The following DHX36 variants were observed in gnomAD, a reference collection of about 807,000 sequenced individuals.
DHX36 encodes ATP-dependent DNA/RNA helicase DHX36.
DHX36 carries 50 observed loss-of-function variants against 139.0 expected under a neutral mutation model. The observed-to-expected ratio is 0.36, with a 90% CI of 0.29 to 0.46. The LOEUF (loss-of-function observed/expected upper bound fraction) is 0.46, where lower values mean the gene tolerates loss of function less well. DHX36 is among the 20% of genes least tolerant of loss of function. The pLI, the probability that DHX36 is intolerant of heterozygous loss-of-function variation, is 1.00. For missense variants in DHX36, 1,024 were observed against 1,211.3 expected (o/e 0.85, Z 2.29); for synonymous variants, 425 against 401.9 (o/e 1.06, Z -0.69).
At chr3:154,323,141 C>A (rs148748150) in intron 1 of DHX36, among the ~76,000 whole-genome samples, 1 of 152,102 alleles carries the variant, frequency 6.6e-6, no homozygotes, top group Admixed American at 6.5e-5. Context: ...TCGAGACCAA[C>A]CTGGCCAACA....
chr3:154,288,683 T>C (rs184150589), intron 17 of DHX36, among the ~76,000 whole-genome samples, 183 bp downstream of exon 17: 2 of 152,314 alleles, frequency 1.3e-5, no homozygotes, highest in African/African-American at 4.8e-5. Context: ...GATATCACTT[T>C]ATAACTTTCT....
intron 20 of DHX36, among the ~76,000 whole-genome samples, chr3:154,282,042 C>A (rs948846709): frequency 2.0e-5 from 3 of 152,124 alleles, no homozygotes; most frequent in Admixed American, 2.0e-4. Flanking sequence ...CACCTGAATT[C>A]ATATCCTGAC....
At chr3:154,287,620 G>A (rs891211610) in intron 17 of DHX36, among the ~76,000 whole-genome samples, 1 of 151,814 alleles carries the variant, frequency 6.6e-6, no homozygotes, top group African/African-American at 2.4e-5. Context: ...TCATGCCACT[G>A]CACTCCATCC....
In DHX36 at chr3:154,315,152, T is replaced by A. The variant is rs1482315163; in HGVS notation, c.497A>T (p.Asp166Val). 6.2e-7 allele frequency: 1 copy of A among 1,613,584 alleles called. No homozygotes were observed. Among genetic ancestry groups the A allele is most frequent in the Non-Finnish European group, 8.5e-7 (1 of 1,179,688 alleles). The change falls in exon 3 of 25, where the codon GAT becomes GTT. Residue 166 changes from aspartate to valine, a missense_variant. Physicochemically the swap from Asp to Val is radical, Grantham distance 152 (BLOSUM62 -3). Transcript: ENST00000496811. ...ATTTTCTTGCAAGAGATACTCAGAA[T>A]CTCGGTCAATATATGATCTGTTCCT... is the stretch of plus-strand genomic sequence containing the variant. ...RIRNRSYIDR[D>V]SEYLLQENEP... is the part of the protein sequence containing the mutation.
intron 5 of DHX36, among the ~76,000 whole-genome samples, chr3:154,309,073 AC>A (rs1712629355): frequency 6.6e-6 from 1 of 152,008 alleles, no homozygotes; most frequent in South Asian, 2.1e-4. Flanking sequence ...CTATAGTACC[AC>A]CTACTTGGGG....
At chr3:154,317,739 A>G (rs973938520) in intron 1 of DHX36, among the ~76,000 whole-genome samples, 7 of 152,086 alleles carry the variant, frequency 4.6e-5, no homozygotes, top group African/African-American at 1.7e-4. Flanking sequence ...TTTTTGGGGA[A>G]AAAAGAGGGA....
chr3:154,323,897 C>G (rs1185504225), intron 1 of DHX36, among the ~76,000 whole-genome samples: 3 of 152,144 alleles, frequency 2.0e-5, no homozygotes, highest in Non-Finnish European at 2.9e-5. Flanking sequence ...TCGGTTGGAA[C>G]GTGAACTTAA....
intron 6 of DHX36, among the ~76,000 whole-genome samples, chr3:154,305,701 C>T (rs535470629): frequency 9.9e-5 from 15 of 152,242 alleles, no homozygotes; most frequent in East Asian, 7.7e-4. Flanking sequence ...CAGGAGTCTT[C>T]GGCTGCAGTG....
chr3:154,312,876 T>C (rs562873591), intron 3 of DHX36, among the ~76,000 whole-genome samples: 2 of 110,208 alleles, frequency 1.8e-5, no homozygotes, highest in African/African-American at 7.3e-5. Context: ...TATATATATA[T>C]ATATATATAT....
intron 13 of DHX36, 80 bp from the exon 14 acceptor site, chr3:154,293,892 A>C: frequency 3.0e-6 from 3 of 993,868 alleles, no homozygotes; most frequent in Non-Finnish European, 4.7e-6. Flanking sequence ...GAATTACCTC[A>C]GATACTGTTC....
intron 12 of DHX36, among the ~76,000 whole-genome samples, chr3:154,299,325 A>C (rs1712167914): frequency 6.6e-6 from 1 of 152,220 alleles, no homozygotes; most frequent in Admixed American, 6.5e-5. Context: ...TTTTCTTTGT[A>C]GTTTTTATAT....
intron 15 of DHX36, among the ~76,000 whole-genome samples, chr3:154,290,916 C>G (rs1177655880): frequency 1.3e-5 from 2 of 151,210 alleles, no homozygotes; most frequent in African/African-American, 4.9e-5. Flanking sequence ...GGGCGGATCA[C>G]GAGGTCAGGA....
intron 3 of DHX36, among the ~76,000 whole-genome samples, chr3:154,312,872 TA>T (rs1712821159): frequency 9.6e-6 from 1 of 104,088 alleles, no homozygotes; most frequent in Non-Finnish European, 1.9e-5. Flanking sequence ...TATATATATA[TA>T]TATATATATA....
At chr3:154,311,881 C>A in intron 3 of DHX36, 2 of 432,250 alleles carry the variant, frequency 4.6e-6, no homozygotes, top group South Asian at 5.0e-5. Flanking sequence ...TTACATCCAG[C>A]AAAATAGAGA....
rs112560810 is a variant in DHX36 at position 154,276,033 on chromosome 3, A to T, written c.*138T>A. The T allele has an allele frequency of 5.0e-6, 3 of 601,374 alleles. No homozygotes were observed. The African/African-American group carries it at 5.6e-5, about 11-fold the overall frequency. The allele number at this position is 601,374 out of a possible 1,614,324, so 37.3% of individuals were successfully genotyped here. On this transcript the variant is annotated 3_prime_UTR_variant, in exon 25 of 25. Transcript: ENST00000496811. ...ATATAACATCAAGTCATGCACATTA[A>T]GTCTTTACTACCTACTGAAGGCTTC...
chr3:154,277,506 A>T, intron 23 of DHX36, 92 bp downstream of exon 23: 1 of 1,339,170 alleles, frequency 7.5e-7, no homozygotes, highest in Admixed American at 2.9e-5. Flanking sequence ...CAACAAAAAA[A>T]AAATTTTGTA....
intron 13 of DHX36, among the ~76,000 whole-genome samples, chr3:154,294,949 C>G (rs113952766): frequency 2.0e-5 from 3 of 152,186 alleles, no homozygotes; most frequent in African/African-American, 7.2e-5. Flanking sequence ...TGTCACAGAT[C>G]ATTAATTTCT....
Position 154,277,660 on chromosome 3 carries a change from C to T in DHX36, c.2626G>A (p.Val876Met). ...TTGTAGTGAAAGTCTGTTTGCTCCA[C>T]ATTAACAGATTTAGGATGAACAGCA... ...LVAVHPKSVN[V>M]EQTDFHYNWL... The change falls in exon 23 of 25, where the codon GTG (valine) becomes ATG (methionine). Residue 876 changes from valine to methionine, a missense_variant. This residue lies in a region of DHX36 where 470 missense variants were observed against 616.2 expected (regional missense o/e 0.76). Transcript: ENST00000496811. 1.9e-6 allele frequency: 3 copies of T among 1,612,342 alleles called. No homozygotes were observed. The highest frequency in any genetic ancestry group is 2.5e-6 in the Non-Finnish European group (3 of 1,178,854).
At chr3:154,290,233 A>G (rs2108341909) in intron 15 of DHX36, among the ~76,000 whole-genome samples, 2 of 152,304 alleles carry the variant, frequency 1.3e-5, no homozygotes, top group Admixed American at 1.3e-4. Context: ...TATTACTGAA[A>G]AACATTTTAA....
Sources: gnomAD v4.1 joint callset for allele counts (sites outside exome capture counted in the v4.1 genomes callset) on GRCh38, gnomAD v4.1.1 for gene constraint, gnomAD v4.1.1 regional missense constraint, MANE v1.5 for transcripts, NCBI Gene and HGNC (gene_info 2026-07-23, HGNC 2026-07-21) for gene names.